The following SEC14L4 variants were observed in gnomAD, a reference collection of about 807,000 sequenced individuals.
The protein encoded by SEC14L4 is SEC14-like protein 4.
In SEC14L4, 42 loss-of-function variants were observed where a neutral mutation model predicts 55.1. That is an observed-to-expected ratio of 0.76 (90% CI 0.60 to 0.99). The LOEUF (loss-of-function observed/expected upper bound fraction) is 0.99, where lower values mean the gene tolerates loss of function less well. Among genes scored for constraint, SEC14L4 ranks in the 50% least tolerant of loss-of-function variants. The pLI is 0.00. For missense variants in SEC14L4, 445 were observed against 512.1 expected (o/e 0.87, Z 1.27); for synonymous variants, 206 against 206.8 (o/e 1.00, Z 0.03).
intron 1 of SEC14L4, among the ~76,000 whole-genome samples, chr22:30,504,412 T>G (rs1230807456): frequency 6.6e-6 from 1 of 151,958 alleles, no homozygotes; most frequent in African/African-American, 2.4e-5. Context: ...AGCTAGGCGG[T>G]TTTAGGAATG....
At chr22:30,499,127 T>C (rs542521264) in intron 2 of SEC14L4, among the ~76,000 whole-genome samples, 49 of 152,152 alleles carry the variant, frequency 3.2e-4, no homozygotes, top group African/African-American at 1.2e-3. Flanking sequence ...GTATTTTTAC[T>C]AGAGACGGGG....
chr22:30,490,914 T>A (rs1460179472), intron 11 of SEC14L4, among the ~76,000 whole-genome samples: 2 of 152,192 alleles, frequency 1.3e-5, no homozygotes, highest in African/African-American at 4.8e-5. Flanking sequence ...ACAGAAGGCA[T>A]GTCCTTCAAT....
Position 30,488,960 on chromosome 22 carries a change from T to C in SEC14L4, c.*1147A>G, listed in dbSNP as rs1935867077. On this transcript the variant is annotated 3_prime_UTR_variant, in exon 12 of 12. Coordinates refer to ENST00000255858, the MANE Select transcript of SEC14L4 (RefSeq NM_174977.4). Reference sequence around the variant, plus strand: ...TTGGAACAGGAATGCCTCGTGGCACTGGCTTTAGGAGTTTAATCTAGATGG... The same window carrying C: ...TTGGAACAGGAATGCCTCGTGGCACCGGCTTTAGGAGTTTAATCTAGATGG... 1 of 149,542 alleles carries C rather than the reference T, an allele frequency of 6.7e-6. No homozygotes were observed. The highest frequency in any genetic ancestry group is 6.8e-5 in the Admixed American group (1 of 14,778). The allele number at this position is 149,542 out of a possible 1,614,324, so 9.3% of individuals were successfully genotyped here.
intron 2 of SEC14L4, among the ~76,000 whole-genome samples, chr22:30,502,910 C>T (rs982149920): frequency 6.6e-6 from 1 of 152,214 alleles, no homozygotes; most frequent in African/African-American, 2.4e-5. Flanking sequence ...CTCTAGCATT[C>T]GCTAAATCCA....
At chr22:30,492,375 A>T in intron 8 of SEC14L4, 99 bp downstream of exon 8, 1 of 1,226,662 alleles carries the variant, frequency 8.2e-7, no homozygotes, top group South Asian at 1.3e-5. Context: ...GGCCAGGGGT[A>T]GTGCCCGAGT....
chr22:30,499,637 G>C (rs1331844256), intron 2 of SEC14L4, among the ~76,000 whole-genome samples: 2 of 151,474 alleles, frequency 1.3e-5, no homozygotes, highest in African/African-American at 4.8e-5. Flanking sequence ...TAGTCAGGAG[G>C]CTGAGGCACG....
chr22:30,505,193 A>T (rs1172312652), intron 1 of SEC14L4, among the ~76,000 whole-genome samples: 1 of 151,952 alleles, frequency 6.6e-6, no homozygotes, highest in Non-Finnish European at 1.5e-5. Flanking sequence ...CACAAAGAGA[A>T]GCCAAACAAA....
chr22:30,492,301 G>A, intron 8 of SEC14L4, 146 bp from the exon 9 acceptor site: 1 of 1,204,452 alleles, frequency 8.3e-7, no homozygotes, highest in Non-Finnish European at 1.2e-6. Context: ...ACCTTTATGT[G>A]GCTCCCAGCC....
chr22:30,497,343 C>A (rs1210595635), intron 2 of SEC14L4, among the ~76,000 whole-genome samples: 1 of 146,700 alleles, frequency 6.8e-6, no homozygotes, highest in Non-Finnish European at 1.5e-5. Context: ...TCATCTCAAA[C>A]AACAACAACA....
Position 30,495,462 on chromosome 22 carries a change from C to G in SEC14L4, c.235-20G>C, listed in dbSNP as rs1305979158. Reference sequence around the variant, plus strand: ...GATGACCTGGAAGTGTGGGTAAGGTCCCGACTCAATCCAGCTCACCAGGCT... The same window carrying G: ...GATGACCTGGAAGTGTGGGTAAGGTGCCGACTCAATCCAGCTCACCAGGCT... On this transcript the variant is annotated intron_variant, in intron 4 of 11. Coordinates refer to ENST00000255858, the MANE Select transcript of SEC14L4 (RefSeq NM_174977.4). 1 of 1,611,568 alleles carries G rather than the reference C, an allele frequency of 6.2e-7. No homozygotes were observed. Among genetic ancestry groups the G allele is most frequent in the Non-Finnish European group, 8.5e-7 (1 of 1,178,504 alleles).
At chr22:30,494,750 C>A (rs903576098) in intron 6 of SEC14L4, 116 bp downstream of exon 6, 2 of 691,416 alleles carry the variant, frequency 2.9e-6, no homozygotes, top group East Asian at 2.6e-5. Flanking sequence ...GTCTGTGGAG[C>A]CCCTGCAAGG....
chr22:30,495,916 ACAGATCC>A lies in SEC14L4; in HGVS notation c.174+5_174+11del. 2 of 1,612,620 alleles carry A rather than the reference ACAGATCC, an allele frequency of 1.2e-6. No individual in the cohort carries two copies. Among genetic ancestry groups the A allele is most frequent in the Non-Finnish European group, 1.7e-6 (2 of 1,178,726 alleles). Reference sequence around the variant, plus strand: ...CATGGAAGGCAGGGCAGTAGGGATCACAGATCCTTACCCTTCGGAGCATGTCTTCGGA... The same window carrying A: ...CATGGAAGGCAGGGCAGTAGGGATCATTACCCTTCGGAGCATGTCTTCGGA... On this transcript the variant is annotated splice_donor_5th_base_variant and intron_variant, in intron 3 of 11. Coordinates refer to ENST00000255858, the MANE Select transcript of SEC14L4 (RefSeq NM_174977.4).
At chr22:30,505,158 A>C (rs1225812621) in intron 1 of SEC14L4, among the ~76,000 whole-genome samples, 2 of 151,524 alleles carry the variant, frequency 1.3e-5, no homozygotes, top group Non-Finnish European at 2.9e-5. Flanking sequence ...AAGATTACAG[A>C]GAAGCTTGGG....
intron 11 of SEC14L4, 88 bp from the exon 12 acceptor site, chr22:30,490,334 T>C: frequency 1.9e-6 from 3 of 1,583,756 alleles, no homozygotes; most frequent in Non-Finnish European, 2.6e-6. Flanking sequence ...CCTGGAACCC[T>C]TGGGAATGAG....
chr22:30,495,309 T>G lies in SEC14L4; in HGVS notation c.368A>C (p.Lys123Thr). 6.2e-7 allele frequency: 1 copy of G among 1,613,924 alleles called. No individual in the cohort carries two copies. Among genetic ancestry groups the G allele is most frequent in the Non-Finnish European group, 8.5e-7 (1 of 1,179,978 alleles). Reference protein sequence around the residue: ...LSASKQDMIRKRIKVCELLLH... With the variant: ...LSASKQDMIRTRIKVCELLLH... ...CAGCAGCTCACAGACTTTGATGCGCTTCCGGATCATATCCTGCTTGGAGGC... is the reference window on the plus strand; with the variant it reads ...CAGCAGCTCACAGACTTTGATGCGCGTCCGGATCATATCCTGCTTGGAGGC... Residue 123 changes from lysine to threonine, a missense_variant, in exon 5 of 12, where the codon AAG becomes ACG. Lys to Thr is a moderately conservative substitution (Grantham distance 78). Coordinates refer to ENST00000255858, the MANE Select transcript of SEC14L4 (RefSeq NM_174977.4).
intron 1 of SEC14L4, among the ~76,000 whole-genome samples, 173 bp downstream of exon 1, chr22:30,505,385 C>T (rs1936457366): frequency 6.6e-6 from 1 of 152,274 alleles, no homozygotes; most frequent in Non-Finnish European, 1.5e-5. Flanking sequence ...GCCCCTGTCC[C>T]GCGTGCTGCA....
chr22:30,490,329 A>G, intron 11 of SEC14L4, 83 bp from the exon 12 acceptor site: 3 of 1,587,676 alleles, frequency 1.9e-6, no homozygotes, highest in Non-Finnish European at 1.7e-6. Context: ...GCATCCCTGG[A>G]ACCCTTGGGA....
chr22:30,501,878 T>TATATATATATAC (rs1252400924), intron 2 of SEC14L4, among the ~76,000 whole-genome samples: 16 of 139,682 alleles, frequency 1.1e-4, no homozygotes, highest in African/African-American at 2.9e-4. Context: ...TATATATACA[T>TATATATATATAC]ACACATACTT....
At chr22:30,492,978 G>A (rs1248630545) in intron 7 of SEC14L4, among the ~76,000 whole-genome samples, 1 of 151,754 alleles carries the variant, frequency 6.6e-6, no homozygotes, top group Non-Finnish European at 1.5e-5. Context: ...CGGCTACTCG[G>A]GTGGCAGCGG....
Sources: allele counts gnomAD v4.1 joint callset (sites outside exome capture counted in the v4.1 genomes callset), GRCh38; gene constraint gnomAD v4.1.1; transcripts MANE v1.5; gene names NCBI Gene and HGNC (gene_info 2026-07-23, HGNC 2026-07-21).